The following RNF144B variants were observed in gnomAD, a reference collection of about 807,000 sequenced individuals.
RNF144B encodes E3 ubiquitin-protein ligase RNF144B.
Under a neutral mutation model 40.2 loss-of-function variants are expected in RNF144B, and 25 were observed. That is an observed-to-expected ratio of 0.62 (90% CI 0.45 to 0.87). RNF144B has a LOEUF of 0.87. RNF144B is among the 40% of genes least tolerant of loss of function. RNF144B has a pLI of 0.00. For missense variants in RNF144B, 365 were observed against 373.7 expected (o/e 0.98, Z 0.19); for synonymous variants, 145 against 136.3 (o/e 1.06, Z -0.44).
intron 4 of RNF144B, among the ~76,000 whole-genome samples, chr6:18,455,123 T>C (rs1445523309): frequency 1.3e-5 from 2 of 152,178 alleles, no homozygotes; most frequent in Non-Finnish European, 2.9e-5. Context: ...GGTGTAGAAA[T>C]AAAAGACCAA....
chr6:18,438,594 G>A (rs1194637257), intron 3 of RNF144B, among the ~76,000 whole-genome samples: 2 of 152,146 alleles, frequency 1.3e-5, no homozygotes, highest in African/African-American at 4.8e-5. Context: ...TTATTTATAA[G>A]GGAAAGGATT....
chr6:18,441,039 G>A lies in RNF144B; in HGVS notation c.331+1295G>A, dbSNP rs1758952810. Among the ~76,000 whole-genome samples the A allele has an allele frequency of 6.6e-6, 1 of 152,136 alleles. No individual in the cohort carries two copies. The highest frequency in any genetic ancestry group is 2.1e-4 in the South Asian group (1 of 4,830). On this transcript the variant is annotated intron_variant, in intron 4 of 7. Coordinates refer to ENST00000259939, the MANE Select transcript of RNF144B (RefSeq NM_182757.4). This position sits in a 1 kb window ranked among gnomAD's most constrained non-coding sequence, Gnocchi z 4.9. ...CAGAAGGATTTTTGGTTTAATGGAT[G>A]ATGACATAATCTGATGCTTCTGTTC... is the stretch of plus-strand genomic sequence containing the variant.
At chr6:18,427,995 C>T (rs921577538) in intron 3 of RNF144B, among the ~76,000 whole-genome samples, 1 of 152,142 alleles carries the variant, frequency 6.6e-6, no homozygotes, top group Non-Finnish European at 1.5e-5. Context: ...TGTCCCCACC[C>T]AAATCTCACC....
rs1276904739 is a variant in RNF144B, at chr6:18,434,203, C to T, written c.271-5481C>T. 6.6e-6 allele frequency among the ~76,000 whole-genome samples: 1 copy of T among 152,106 alleles called. No homozygotes were observed. The highest frequency in any genetic ancestry group is 1.5e-5 in the Non-Finnish European group (1 of 68,016). On this transcript the variant is annotated intron_variant, in intron 3 of 7. Coordinates refer to ENST00000259939, the MANE Select transcript of RNF144B (RefSeq NM_182757.4). The surrounding 1 kb of genome is among the most constrained non-coding windows in gnomAD (Gnocchi z 4.1). ...GTTCTCTAAAGCCTATCCCCAATTT[C>T]TGTTTCATTTTTTTAATTGAGTCTT...
At chr6:18,438,287 T>C (rs1159030923) in intron 3 of RNF144B, among the ~76,000 whole-genome samples, 1 of 152,198 alleles carries the variant, frequency 6.6e-6, no homozygotes, top group Admixed American at 6.6e-5. Flanking sequence ...ATGAATAAAG[T>C]TGACTTTCAG....
chr6:18,430,506 CTT>C (rs1043179874), intron 3 of RNF144B, among the ~76,000 whole-genome samples: 3 of 107,190 alleles, frequency 2.8e-5, no homozygotes, highest in African/African-American at 1.0e-4. Flanking sequence ...CTCTCTCTCT[CTT>C]TTTTAAAACC....
intron 3 of RNF144B, among the ~76,000 whole-genome samples, chr6:18,436,479 G>C (rs747294777): frequency 9.8e-5 from 15 of 152,300 alleles, no homozygotes; most frequent in Admixed American, 7.2e-4. Context: ...GGGGAAGTTG[G>C]AATGGCATTT....
chr6:18,445,660 C>T (rs1039260283), intron 4 of RNF144B, among the ~76,000 whole-genome samples: 5 of 152,060 alleles, frequency 3.3e-5, no homozygotes, highest in African/African-American at 9.7e-5. Flanking sequence ...ATTTTGAAGG[C>T]ACTATTATTT....
At position 18,398,397 on chromosome 6, in the gene RNF144B, C is replaced by T. The variant is rs995682956; in HGVS notation, c.-36-1102C>T. Among the ~76,000 whole-genome samples, 6 of 151,988 alleles carry T rather than the reference C, an allele frequency of 3.9e-5. No individual in the cohort carries two copies. The highest frequency in any genetic ancestry group is 7.4e-5 in the Non-Finnish European group (5 of 67,966). The stretch of plus-strand genomic sequence containing the variant: ...CTTTTTAATTTTTTATTTTTTGAGA[C>T]GTTTCATTCTGTCACCCAGGCTGGA... On this transcript the variant is annotated intron_variant, in intron 1 of 7. Transcript: ENST00000259939. This position sits in a 1 kb window ranked among gnomAD's most constrained non-coding sequence, Gnocchi z 5.0.
Position 18,458,020 on chromosome 6 carries a change from C to A in RNF144B, c.536+661C>A, listed in dbSNP as rs1049641986. 3.3e-5 allele frequency among the ~76,000 whole-genome samples: 5 copies of A among 152,010 alleles called. No individual in the cohort carries two copies. Among genetic ancestry groups the A allele is most frequent in the African/African-American group, 9.7e-5 (4 of 41,372 alleles). The stretch of plus-strand genomic sequence containing the variant: ...TGGCACGATCTCGGCTCACTGCAAC[C>A]ACTGCCTCCTGGGTTCAAGCGATTC... On this transcript the variant is annotated intron_variant, in intron 5 of 7. Coordinates refer to ENST00000259939, the MANE Select transcript of RNF144B (RefSeq NM_182757.4). This position sits in a 1 kb window ranked among gnomAD's most constrained non-coding sequence, Gnocchi z 4.8.
Position 18,410,614 on chromosome 6 carries a change from T to C in RNF144B, c.165+10915T>C, listed in dbSNP as rs550384339. ...AACCGGAAGATGTTCCTGGGACACA[T>C]TGTTGGAAGTGTGGGTGTGCTCAGG... On this transcript the variant is annotated intron_variant, in intron 2 of 7. Coordinates refer to ENST00000259939, the MANE Select transcript of RNF144B (RefSeq NM_182757.4). This position sits in a 1 kb window ranked among gnomAD's most constrained non-coding sequence, Gnocchi z 4.6. Among the ~76,000 whole-genome samples the C allele has an allele frequency of 3.3e-5, 5 of 151,764 alleles. No individual in the cohort carries two copies. Among genetic ancestry groups the C allele is most frequent in the Admixed American group, 2.0e-4 (3 of 15,256 alleles).
intron 2 of RNF144B, among the ~76,000 whole-genome samples, chr6:18,421,457 T>A (rs1283944892): frequency 3.3e-5 from 5 of 152,118 alleles, no homozygotes; most frequent in Non-Finnish European, 1.5e-5. Context: ...AATTCAGTGA[T>A]CTTGTCACCT....
chr6:18,393,918 T>C (rs912478018), intron 1 of RNF144B, among the ~76,000 whole-genome samples: 1 of 152,198 alleles, frequency 6.6e-6, no homozygotes, highest in Non-Finnish European at 1.5e-5. Flanking sequence ...ATTGAGAGTA[T>C]ACATATGTCT....
Position 18,427,640 on chromosome 6 carries a change from C to G in RNF144B, c.225C>G (p.Cys75Trp). The G allele has an allele frequency of 6.2e-7, 1 of 1,613,686 alleles. No homozygotes were observed. The highest frequency in any genetic ancestry group is 1.7e-5 in the Admixed American group (1 of 59,950). ...AAGGATGTGGGTCTCCCATCACTTG[C>G]CCTGACATGGTGTGCCTAAACCACG... Reference protein sequence around the residue: ...IREGCGSPITCPDMVCLNHGT... With the variant: ...IREGCGSPITWPDMVCLNHGT... Residue 75 changes from cysteine (C) to tryptophan (W), a missense_variant, in exon 3 of 8, where the codon TGC becomes TGG. By Grantham distance (215) the Cys-to-Trp change is radical (BLOSUM62 -2). Transcript: ENST00000259939.
At chr6:18,387,864 C>A (rs143833046) in intron 1 of RNF144B, among the ~76,000 whole-genome samples, 1 of 152,152 alleles carries the variant, frequency 6.6e-6, no homozygotes. Context: ...AAAACAGTTT[C>A]TATAATAGAA....
At position 18,439,663 on chromosome 6, in the gene RNF144B, CTTT is replaced by C. The variant is rs1562053364; in HGVS notation, c.271-19_271-17del. On this transcript the variant is annotated intron_variant, in intron 3 of 7. Coordinates refer to ENST00000259939, the MANE Select transcript of RNF144B (RefSeq NM_182757.4). The stretch of plus-strand genomic sequence containing the variant: ...GCACTATGATGACTGAAGTCTCAAC[CTTT>C]TATGTCTCTGGTTTCAGATTGCCTG... The C allele has an allele frequency of 1.3e-6, 2 of 1,596,756 alleles. No homozygotes were observed.
In RNF144B at chr6:18,414,089, AGTC is replaced by A. The variant is rs1333716852; in HGVS notation, c.166-13489_166-13487del. Reference sequence around the variant, plus strand: ...GGGGGAATATTGTGAGGTGAGGAATAGTCGTGGTCTTGATGCAATGTAACTTAT... The same window carrying A: ...GGGGGAATATTGTGAGGTGAGGAATAGTGGTCTTGATGCAATGTAACTTAT... On this transcript the variant is annotated intron_variant, in intron 2 of 7. Coordinates refer to ENST00000259939, the MANE Select transcript of RNF144B (RefSeq NM_182757.4). This position sits in a 1 kb window ranked among gnomAD's most constrained non-coding sequence, Gnocchi z 4.9. 2.0e-5 allele frequency among the ~76,000 whole-genome samples: 3 copies of A among 152,212 alleles called. No homozygotes were observed. The East Asian group carries it at 5.8e-4, about 29-fold the overall frequency.
chr6:18,391,500 G>C (rs2113451067), intron 1 of RNF144B, among the ~76,000 whole-genome samples: 1 of 152,256 alleles, frequency 6.6e-6, no homozygotes, highest in East Asian at 1.9e-4. Context: ...TGGAAAACTG[G>C]GAATGGATTT....
At chr6:18,401,721 G>A (rs1435648701) in intron 2 of RNF144B, among the ~76,000 whole-genome samples, 1 of 152,114 alleles carries the variant, frequency 6.6e-6, no homozygotes, top group Non-Finnish European at 1.5e-5. Flanking sequence ...TATTTTCGAG[G>A]CTGAAAAGAA....
Sources: allele counts gnomAD v4.1 joint callset (sites outside exome capture counted in the v4.1 genomes callset), GRCh38; gene constraint gnomAD v4.1.1; non-coding constraint Gnocchi (gnomAD v3.1); transcripts MANE v1.5; gene names NCBI Gene and HGNC (gene_info 2026-07-23, HGNC 2026-07-21).